BLVRA: variants seen among roughly 807,000 people sequenced by gnomAD.
BLVRA encodes the protein BVR A.
In BLVRA, 22 loss-of-function variants were observed where a neutral mutation model predicts 32.8. The ratio of observed to expected loss-of-function variants is 0.67; its 90% CI spans 0.48 to 0.96. The LOEUF is 0.96. Ranked by LOEUF, BLVRA falls within the 40% of genes least tolerant of loss-of-function variation. The pLI, the probability that BLVRA is intolerant of heterozygous loss-of-function variation, is 0.00. For synonymous variants in BLVRA, 119 were observed against 141.3 expected (o/e 0.84, Z 1.12); for missense variants, 323 against 358.1 (o/e 0.90, Z 0.79).
At chr7:43,758,972 T>C (rs2095739379) in intron 1 of BLVRA, among the ~76,000 whole-genome samples, 1 of 152,186 alleles carries the variant, frequency 6.6e-6, no homozygotes, top group Admixed American at 6.5e-5. Context: ...CTTTCTCAAC[T>C]ACACAAAAGA....
chr7:43,781,992 C>T (rs1251807169), intron 2 of BLVRA, among the ~76,000 whole-genome samples: 1 of 152,192 alleles, frequency 6.6e-6, no homozygotes, highest in African/African-American at 2.4e-5. Context: ...CAAGAGTCCT[C>T]TCTCGGGAAG....
At chr7:43,786,926 A>AAT (rs2095778337) in intron 2 of BLVRA, among the ~76,000 whole-genome samples, 1 of 146,672 alleles carries the variant, frequency 6.8e-6, no homozygotes, top group South Asian at 2.1e-4. Context: ...GCATGGAGAT[A>AAT]ATTTTTTTTT....
chr7:43,797,056 T>A (rs2095793608), intron 5 of BLVRA, among the ~76,000 whole-genome samples: 1 of 152,196 alleles, frequency 6.6e-6, no homozygotes. Context: ...AGCAAGACCT[T>A]CCTTCAGCAA....
chr7:43,783,723 C>G (rs1426893993), intron 2 of BLVRA, among the ~76,000 whole-genome samples: 1 of 152,144 alleles, frequency 6.6e-6, no homozygotes, highest in Non-Finnish European at 1.5e-5. Context: ...CCAAGTTGCT[C>G]TCCATAAAGC....
At chr7:43,797,173 C>T (rs886694640) in intron 5 of BLVRA, among the ~76,000 whole-genome samples, 6 of 152,186 alleles carry the variant, frequency 3.9e-5, no homozygotes, top group African/African-American at 9.6e-5. Context: ...CGCAAACCTC[C>T]GCCTCCTGGG....
chr7:43,802,520 T>C (rs1297236064), intron 6 of BLVRA, among the ~76,000 whole-genome samples: 1 of 152,012 alleles, frequency 6.6e-6, no homozygotes, highest in Non-Finnish European at 1.5e-5. Flanking sequence ...TTTTTTGATA[T>C]AGGGTATCAC....
intron 2 of BLVRA, among the ~76,000 whole-genome samples, chr7:43,781,219 A>G (rs545673834): frequency 6.6e-6 from 1 of 152,174 alleles, no homozygotes; most frequent in South Asian, 2.1e-4. Flanking sequence ...TAAAACACAT[A>G]TGTGTAACCA....
intron 1 of BLVRA, among the ~76,000 whole-genome samples, chr7:43,770,742 G>T (rs944732135): frequency 1.3e-5 from 2 of 152,082 alleles, no homozygotes; most frequent in African/African-American, 4.8e-5. Context: ...AGAAAAAAAA[G>T]TACATATTTC....
chr7:43,780,913 G>A (rs768450895), intron 2 of BLVRA, among the ~76,000 whole-genome samples: 9 of 152,234 alleles, frequency 5.9e-5, no homozygotes, highest in East Asian at 1.9e-4. Context: ...TTGGGAGGCC[G>A]AGGTGGGCGG....
chr7:43,772,284 A>T (rs1054080431), intron 2 of BLVRA, among the ~76,000 whole-genome samples: 1 of 152,200 alleles, frequency 6.6e-6, no homozygotes, highest in African/African-American at 2.4e-5. Context: ...GGGGCCACAT[A>T]TGTTCGCATT....
At chr7:43,795,741 G>GA (rs983615515) in intron 5 of BLVRA, among the ~76,000 whole-genome samples, 4 of 151,610 alleles carry the variant, frequency 2.6e-5, no homozygotes, top group Admixed American at 2.6e-4. Context: ...AAAAGCAATA[G>GA]AAAAAAATCA....
In BLVRA at chr7:43,807,119, G is replaced by T. The variant is rs2095804802; in HGVS notation, c.775G>T (p.Val259Phe). ...ATTTCTGAAAGATCAAAATATATTTGTCCAGAAACTCTTGGGCCAGTTCTC... is the reference window on the plus strand; with the variant it reads ...ATTTCTGAAAGATCAAAATATATTTTTCCAGAAACTCTTGGGCCAGTTCTC... ...NIFLKDQNIF[V>F]QKLLGQFSEK... The change falls in exon 8 of 8, where the codon GTC becomes TTC. Residue 259 changes from valine (V) to phenylalanine (F), a missense_variant. Coordinates refer to ENST00000265523, the MANE Select transcript of BLVRA (RefSeq NM_000712.4). 6.2e-7 allele frequency: 1 copy of T among 1,614,150 alleles called. No individual in the cohort carries two copies. The highest frequency in any genetic ancestry group is 8.5e-7 in the Non-Finnish European group (1 of 1,180,022).
At chr7:43,769,320 G>A (rs577621680) in intron 1 of BLVRA, among the ~76,000 whole-genome samples, 3 of 152,168 alleles carry the variant, frequency 2.0e-5, no homozygotes, top group East Asian at 3.9e-4. Context: ...GTGAGCTACC[G>A]TGCCCGGCCT....
chr7:43,792,937 C>A lies in BLVRA; in HGVS notation c.352+125C>A, dbSNP rs1585735698. ...CTACACTGGCACTGTGGGCTCCCAA[C>A]TGCCTCCTCACCCCCACACTGTAAA... On this transcript the variant is annotated intron_variant, in intron 5 of 7. Transcript: ENST00000265523. 6.4e-5 allele frequency: 59 copies of A among 916,116 alleles called. 1 individual carries two copies. In the East Asian group the frequency reaches 1.6e-3, roughly 24 times the overall value. 56.7% of individuals were successfully genotyped at this position (916,116 alleles called of 1,614,324 possible). A position where few individuals can be genotyped will look rare whatever the true frequency, so the allele number is the denominator to read the frequency against.
At chr7:43,798,197 C>CAAAAAAAAAAA (rs56855757) in intron 5 of BLVRA, among the ~76,000 whole-genome samples, 6 of 45,196 alleles carry the variant, frequency 1.3e-4, no homozygotes, top group South Asian at 1.5e-3. Context: ...CCCCATCTCA[C>CAAAAAAAAAAA]AAAAAAAAAA....
rs993300536 is a variant in BLVRA, at chr7:43,800,404, T to G, written c.353-61T>G. On this transcript the variant is annotated intron_variant, in intron 5 of 7. Transcript: ENST00000265523. ...TGTTAGGGGATGACAGAGTACCCTC[T>G]GGGATGCACACCTAGACACAACTGA... is the stretch of plus-strand genomic sequence containing the variant. 13 of 1,471,778 alleles carry G rather than the reference T, an allele frequency of 8.8e-6. No individual in the cohort carries two copies. The Admixed American group carries it at 2.2e-4, about 25-fold the overall frequency. The allele number at this position is 1,471,778 out of a possible 1,614,324, so 91.2% of individuals were successfully genotyped here.
At chr7:43,798,026 T>C (rs1055115708) in intron 5 of BLVRA, among the ~76,000 whole-genome samples, 3 of 151,676 alleles carry the variant, frequency 2.0e-5, no homozygotes, top group African/African-American at 7.3e-5. Flanking sequence ...ACCCCGTCTC[T>C]ACTGAAAATA....
chr7:43,779,387 T>C (rs1260157053), intron 2 of BLVRA, among the ~76,000 whole-genome samples: 1 of 152,274 alleles, frequency 6.6e-6, no homozygotes, highest in African/African-American at 2.4e-5. Context: ...TCTCAGCCTG[T>C]TGCAGTCTGG....
intron 7 of BLVRA, among the ~76,000 whole-genome samples, chr7:43,805,242 G>A (rs1406683156): frequency 6.6e-6 from 1 of 151,860 alleles, no homozygotes; most frequent in East Asian, 1.9e-4. Context: ...AGTCAATGAG[G>A]AAGCAAGATG....
Sources: allele counts gnomAD v4.1 joint callset (sites outside exome capture counted in the v4.1 genomes callset), GRCh38; gene constraint gnomAD v4.1.1; transcripts MANE v1.5; gene names NCBI Gene and HGNC (gene_info 2026-07-23, HGNC 2026-07-21).